Variants in SCMH1 observed in about 807,000 individuals in gnomAD.
SCMH1 encodes polycomb protein SCMH1.
Under a neutral mutation model 70.8 loss-of-function variants are expected in SCMH1, and 37 were observed. The ratio of observed to expected loss-of-function variants is 0.52; its 90% CI spans 0.40 to 0.69. SCMH1 has a LOEUF of 0.69. SCMH1 is among the 30% of genes least tolerant of loss of function. SCMH1 has a pLI of 0.00. For missense variants in SCMH1, 607 were observed against 827.3 expected (o/e 0.73, Z 3.27); for synonymous variants, 292 against 307.4 (o/e 0.95, Z 0.52).
At chr1:41,173,940 T>C (rs766506872) in intron 2 of SCMH1, among the ~76,000 whole-genome samples, 4 of 151,658 alleles carry the variant, frequency 2.6e-5, no homozygotes, top group Admixed American at 6.6e-5. Flanking sequence ...TAGTGGTTAC[T>C]AAAGGGAAGG....
intron 10 of SCMH1, among the ~76,000 whole-genome samples, chr1:41,056,293 C>A (rs1650264303): frequency 6.6e-6 from 1 of 152,202 alleles, no homozygotes; most frequent in South Asian, 2.1e-4. Flanking sequence ...TTATCATAAG[C>A]CCCAATTGAG....
At chr1:41,115,016 T>A (rs1181282345) in intron 7 of SCMH1, among the ~76,000 whole-genome samples, 1 of 152,198 alleles carries the variant, frequency 6.6e-6, no homozygotes, top group East Asian at 1.9e-4. Flanking sequence ...AACATACATT[T>A]AAAAATTTCC....
intron 8 of SCMH1, among the ~76,000 whole-genome samples, chr1:41,086,124 C>A (rs1661590096): frequency 6.6e-6 from 1 of 152,126 alleles, no homozygotes; most frequent in African/African-American, 2.4e-5. Context: ...CAAGCATGAG[C>A]CACCACGCCC....
chr1:41,033,858 T>C lies in SCMH1; in HGVS notation c.1678+3504A>G, dbSNP rs573174376. On this transcript the variant is annotated intron_variant, in intron 13 of 14. Transcript: ENST00000337495. ...ACTCATGGTGGGTTTCCAAGGAAAA[T>C]TGGAGATGCTTAGGGAACAACAGTA... The C allele has an allele frequency of 3.8e-4, 535 of 1,396,150 alleles. 3 individuals carry two copies. In the African/African-American group the frequency reaches 5.5e-3, roughly 14 times the overall value. 86.5% of individuals were successfully genotyped at this position (1,396,150 alleles called of 1,614,324 possible).
chr1:41,123,037 C>A (rs1178735338), intron 6 of SCMH1, among the ~76,000 whole-genome samples: 3 of 152,080 alleles, frequency 2.0e-5, no homozygotes, highest in African/African-American at 4.8e-5. Context: ...CTGGGCAACA[C>A]AGTGAGACCC....
chr1:41,204,773 T>G (rs1655118574), intron 1 of SCMH1, among the ~76,000 whole-genome samples: 1 of 152,340 alleles, frequency 6.6e-6, no homozygotes. Context: ...CCATATCTAT[T>G]TATTTGTCTC....
intron 4 of SCMH1, 79 bp downstream of exon 4, chr1:41,160,796 T>C (rs1447085196): frequency 1.9e-5 from 26 of 1,337,280 alleles, no homozygotes; most frequent in Non-Finnish European, 2.7e-5. Context: ...CTTTTCCTCG[T>C]TGGTTAAAAC....
At chr1:41,116,348 C>T (rs1246307371) in intron 7 of SCMH1, among the ~76,000 whole-genome samples, 1 of 152,210 alleles carries the variant, frequency 6.6e-6, no homozygotes, top group African/African-American at 2.4e-5. Context: ...AGACTCACTG[C>T]CTCACTTCTT....
At chr1:41,050,812 G>A (rs1647837939) in intron 10 of SCMH1, among the ~76,000 whole-genome samples, 1 of 152,118 alleles carries the variant, frequency 6.6e-6, no homozygotes, top group Non-Finnish European at 1.5e-5. Flanking sequence ...TTTGCAAAAG[G>A]CCTAATAATC....
exon 9 of SCMH1, chr1:41,075,273 C>T: frequency 6.2e-7 from 1 of 1,614,126 alleles, no homozygotes; most frequent in Non-Finnish European, 8.5e-7. Context: ...GTTCAGCTGT[C>T]TTGGATGGGG....
At chr1:41,033,453 C>T (rs891696107) in intron 13 of SCMH1, among the ~76,000 whole-genome samples, 6 of 152,112 alleles carry the variant, frequency 3.9e-5, no homozygotes, top group Admixed American at 6.6e-5. Flanking sequence ...TTGAAGGAGG[C>T]GTTATCACCA....
intron 5 of SCMH1, among the ~76,000 whole-genome samples, chr1:41,149,820 C>T (rs1280653368): frequency 6.6e-6 from 1 of 152,148 alleles, no homozygotes; most frequent in African/African-American, 2.4e-5. Flanking sequence ...TATTCTCAGC[C>T]CTGTGTGAGT....
chr1:41,148,054 T>C (rs536948678), intron 5 of SCMH1, among the ~76,000 whole-genome samples: 6 of 152,200 alleles, frequency 3.9e-5, no homozygotes, highest in Non-Finnish European at 7.4e-5. Flanking sequence ...CATTTTGCTA[T>C]TTTTTCCCAT....
chr1:41,239,125 A>C (rs1662985119), intron 1 of SCMH1, among the ~76,000 whole-genome samples: 1 of 152,044 alleles, frequency 6.6e-6, no homozygotes, highest in East Asian at 1.9e-4. Context: ...TAAAAAAAAA[A>C]CACCTACTGA....
chr1:41,145,288 T>C (rs1240020262), intron 5 of SCMH1, among the ~76,000 whole-genome samples: 3 of 152,174 alleles, frequency 2.0e-5, no homozygotes, highest in Non-Finnish European at 4.4e-5. Flanking sequence ...CTTTTTTTTA[T>C]GTGGATAACC....
At chr1:41,131,014 C>T (rs971087994) in intron 6 of SCMH1, among the ~76,000 whole-genome samples, 1 of 152,070 alleles carries the variant, frequency 6.6e-6, no homozygotes, top group Non-Finnish European at 1.5e-5. Flanking sequence ...CTGTTTTCTT[C>T]GAAGAGTTTT....
intron 1 of SCMH1, among the ~76,000 whole-genome samples, chr1:41,218,277 CT>C (rs1658519975): frequency 6.6e-6 from 1 of 152,138 alleles, no homozygotes; most frequent in South Asian, 2.1e-4. Context: ...TTGTGTACCC[CT>C]GGTACCTGTG....
intron 1 of SCMH1, among the ~76,000 whole-genome samples, chr1:41,223,400 G>A (rs1659661625): frequency 6.6e-6 from 1 of 152,128 alleles, no homozygotes; most frequent in African/African-American, 2.4e-5. Flanking sequence ...CAATAAATAT[G>A]TGGTACTTTG....
chr1:41,182,020 T>C (rs982353181), intron 2 of SCMH1, among the ~76,000 whole-genome samples: 5 of 152,238 alleles, frequency 3.3e-5, no homozygotes, highest in African/African-American at 1.2e-4. Context: ...TATGCAGTCA[T>C]AAAAAATGAT....
Sources: gnomAD v4.1 joint callset for allele counts (sites outside exome capture counted in the v4.1 genomes callset) on GRCh38, gnomAD v4.1.1 for gene constraint, MANE v1.5 for transcripts, NCBI Gene and HGNC (gene_info 2026-07-23, HGNC 2026-07-21) for gene names.